The following GANC variants were observed in gnomAD, a reference collection of about 807,000 sequenced individuals.
GANC encodes the protein glucosidase alpha, neutral C.
In GANC, 117 loss-of-function variants were observed where a neutral mutation model predicts 124.2. The observed-to-expected ratio is 0.94, with a 90% CI of 0.81 to 1.10. The LOEUF (loss-of-function observed/expected upper bound fraction) is 1.10, where lower values mean the gene tolerates loss of function less well. Ranked by LOEUF, GANC falls within the 50% of genes least tolerant of loss-of-function variation. GANC has a pLI of 0.00. For synonymous variants in GANC, 377 were observed against 376.8 expected (o/e 1.00, Z -0.01); for missense variants, 1,140 against 1,095.0 (o/e 1.04, Z -0.58).
chr15:42,334,005 C>A (rs895380077), intron 15 of GANC, among the ~76,000 whole-genome samples: 12 of 152,072 alleles, frequency 7.9e-5, no homozygotes, highest in Admixed American at 5.2e-4. Flanking sequence ...ATTACAATTT[C>A]TTTTCAGTAA....
chr15:42,289,617 A>G lies in GANC; in HGVS notation c.329+1799A>G, dbSNP rs921767398. Among the ~76,000 whole-genome samples the G allele has an allele frequency of 3.9e-5, 6 of 152,306 alleles. No individual in the cohort carries two copies. In the South Asian group the frequency reaches 1.2e-3, roughly 32 times the overall value. On this transcript the variant is annotated intron_variant, in intron 4 of 23. Coordinates refer to ENST00000318010, the MANE Select transcript of GANC (RefSeq NM_198141.3). The stretch of plus-strand genomic sequence containing the variant: ...GTTGATAAAGTAGTTGGTATTATAA[A>G]TGAATATAAGCAACAGCCTCTCAAG...
intron 3 of GANC, chr15:42,284,180 C>T (rs1177932574): frequency 8.3e-6 from 5 of 599,760 alleles, no homozygotes; most frequent in African/African-American, 5.6e-5. Context: ...CATAATTTTC[C>T]TACTTAACAC....
Position 42,273,341 on chromosome 15 carries a change from G to C in GANC, c.-1141G>C, listed in dbSNP as rs1430017121. ...CTGAAAAACGACAGTGGTGACGGGT[G>C]AGCTCCCAGAAGCAGAAGAATGACA... On this transcript the variant is annotated 5_prime_UTR_variant, in exon 1 of 24. The change abolishes the stop of an existing upstream ORF in the 5' untranslated region. Coordinates refer to ENST00000318010, the MANE Select transcript of GANC (RefSeq NM_198141.3). 1.9e-6 allele frequency: 3 copies of C among 1,614,032 alleles called. No individual in the cohort carries two copies. Among genetic ancestry groups the C allele is most frequent in the Non-Finnish European group, 8.5e-7 (1 of 1,180,048 alleles).
At chr15:42,313,492 T>A (rs2052073624) in intron 10 of GANC, among the ~76,000 whole-genome samples, 1 of 152,128 alleles carries the variant, frequency 6.6e-6, no homozygotes, top group Non-Finnish European at 1.5e-5. Flanking sequence ...CTGATATGGG[T>A]CTCTTATCCA....
In GANC at chr15:42,283,629, C is replaced by T. The variant is rs182637838; in HGVS notation, c.202-4062C>T. 11 of 702,324 alleles carry T rather than the reference C, an allele frequency of 1.6e-5. No individual in the cohort carries two copies. In the African/African-American group the frequency reaches 1.7e-4, roughly 11 times the overall value. 43.5% of individuals were successfully genotyped at this position (702,324 alleles called of 1,614,324 possible). On this transcript the variant is annotated intron_variant, in intron 3 of 23. Transcript: ENST00000318010. ...TTTGCAGCCTGTTTGCAAGGTTTCA[C>T]CAGAGACAACACTTCCAGCAGCTTC...
chr15:42,274,430 C>T lies in GANC; in HGVS notation c.-52C>T, dbSNP rs557783710. 2 of 1,592,944 alleles carry T rather than the reference C, an allele frequency of 1.3e-6. No individual in the cohort carries two copies. The highest frequency in any genetic ancestry group is 1.3e-5 in the African/African-American group (1 of 74,530). On this transcript the variant is annotated 5_prime_UTR_variant, in exon 1 of 24. Coordinates refer to ENST00000318010, the MANE Select transcript of GANC (RefSeq NM_198141.3). ...CCCAATCGGCTTTTTTAAAAGATCG[C>T]CCAGGGCCCTTGTCCTGAGAGCTGG...
At chr15:42,303,650 G>A (rs1396472151) in intron 6 of GANC, among the ~76,000 whole-genome samples, 3 of 140,066 alleles carry the variant, frequency 2.1e-5, no homozygotes, top group African/African-American at 8.0e-5. Flanking sequence ...AAAATAAAGG[G>A]AGGGAGGAAT....
At chr15:42,349,274 T>G (rs2052398126) in intron 21 of GANC, 109 bp from the exon 22 acceptor site, 1 of 715,726 alleles carries the variant, frequency 1.4e-6, no homozygotes, top group African/African-American at 1.8e-5. Flanking sequence ...TTTATATAGC[T>G]TGAATTTTTC....
chr15:42,350,666 C>A (rs1191446460), intron 22 of GANC, among the ~76,000 whole-genome samples: 11 of 150,558 alleles, frequency 7.3e-5, no homozygotes, highest in African/African-American at 2.7e-4. Context: ...AATTCTCCTG[C>A]CTCAGCCTCC....
intron 6 of GANC, among the ~76,000 whole-genome samples, chr15:42,302,064 C>T (rs1329388357): frequency 1.3e-5 from 2 of 152,208 alleles, no homozygotes; most frequent in East Asian, 1.9e-4. Flanking sequence ...CTAGGAGACA[C>T]CTCCCAGCAG....
Position 42,299,140 on chromosome 15 carries a change from C to T in GANC, c.558+1484C>T, listed in dbSNP as rs948038753. Among the ~76,000 whole-genome samples the T allele has an allele frequency of 6.6e-5, 10 of 152,232 alleles. No individual in the cohort carries two copies. In the South Asian group the frequency reaches 1.0e-3, roughly 16 times the overall value. On this transcript the variant is annotated intron_variant, in intron 6 of 23. Transcript: ENST00000318010. ...TGAGAGAGGACATCCTTGTCTTGTGCCAGTTTTCAAAGGGAATGCTTCTAG... is the reference window on the plus strand; with the variant it reads ...TGAGAGAGGACATCCTTGTCTTGTGTCAGTTTTCAAAGGGAATGCTTCTAG...
intron 10 of GANC, among the ~76,000 whole-genome samples, chr15:42,321,250 G>T (rs1377383167): frequency 6.6e-6 from 1 of 152,108 alleles, no homozygotes; most frequent in Non-Finnish European, 1.5e-5. Context: ...ACAAGATTCA[G>T]AATTCCTAAC....
At chr15:42,351,453 T>TA in intron 23 of GANC, 21 bp downstream of exon 23, 1 of 1,513,486 alleles carries the variant, frequency 6.6e-7, no homozygotes, top group South Asian at 1.1e-5. Flanking sequence ...AGTCCATTCT[T>TA]ACCTCACCAT....
At chr15:42,348,258 T>C in intron 21 of GANC, 42 bp downstream of exon 21, 1 of 1,242,412 alleles carries the variant, frequency 8.0e-7, no homozygotes, top group Non-Finnish European at 1.2e-6. Flanking sequence ...CTACTCTTTC[T>C]TTACAGTGAT....
At chr15:42,306,406 G>A in intron 6 of GANC, 140 bp from the exon 7 acceptor site, 1 of 646,038 alleles carries the variant, frequency 1.5e-6, no homozygotes, top group Non-Finnish European at 2.7e-6. Flanking sequence ...TAAAGGTACT[G>A]ACGTCACACA....
In GANC at chr15:42,339,684, T is replaced by C; in HGVS notation, c.1859T>C (p.Phe620Ser). The stretch of plus-strand genomic sequence containing the variant: ...TTGCTTCCAGCTGACATAGGCGGGT[T>C]CATTGGGAATCCAGAGACAGAGCTG... ...ISFCGADIGG[F>S]IGNPETELLV... Residue 620 changes from phenylalanine (F) to serine (S), a missense_variant, in exon 17 of 24, where the codon TTC becomes TCC. Coordinates refer to ENST00000318010, the MANE Select transcript of GANC (RefSeq NM_198141.3). 6.2e-7 allele frequency: 1 copy of C among 1,613,508 alleles called. No individual in the cohort carries two copies. The highest frequency in any genetic ancestry group is 8.5e-7 in the Non-Finnish European group (1 of 1,179,460).
rs145581113 is a variant in GANC at position 42,296,780 on chromosome 15, A to C, written c.513-831A>C. 6.4e-3 allele frequency among the ~76,000 whole-genome samples: 965 copies of C among 151,428 alleles called. 14 individuals are homozygous for C. Among genetic ancestry groups the C allele is most frequent in the African/African-American group, 0.022 (923 of 41,210 alleles). On this transcript the variant is annotated intron_variant, in intron 5 of 23. Coordinates refer to ENST00000318010, the MANE Select transcript of GANC (RefSeq NM_198141.3). ...ATTCGTCTTTTCTAAAAAAACTTTT[A>C]TGTAATAAAAGTATGCTGTATATAT... is the stretch of plus-strand genomic sequence containing the variant.
At chr15:42,350,121 C>T (rs1388658734) in intron 22 of GANC, among the ~76,000 whole-genome samples, 3 of 147,812 alleles carry the variant, frequency 2.0e-5, no homozygotes, top group Non-Finnish European at 4.5e-5. Flanking sequence ...ACCTCTGCCT[C>T]CCAGGTTCAA....
At chr15:42,339,958 A>G in intron 17 of GANC, 46 bp downstream of exon 17, 3 of 1,574,342 alleles carry the variant, frequency 1.9e-6, no homozygotes, top group African/African-American at 1.4e-5. Context: ...CCAATCTGTA[A>G]TAGAAGATCT....
Sources: allele counts gnomAD v4.1 joint callset (sites outside exome capture counted in the v4.1 genomes callset), GRCh38; gene constraint gnomAD v4.1.1; transcripts MANE v1.5; gene names NCBI Gene and HGNC (gene_info 2026-07-23, HGNC 2026-07-21).